CHODL: variants seen among roughly 807,000 people sequenced by gnomAD.
The protein encoded by CHODL is chondrolectin, also known as transmembrane protein MT75.
Under a neutral mutation model 34.5 loss-of-function variants are expected in CHODL, and 29 were observed. That is an observed-to-expected ratio of 0.84 (90% CI 0.63 to 1.15). The LOEUF (loss-of-function observed/expected upper bound fraction) is 1.15, where lower values mean the gene tolerates loss of function less well. Ranked by LOEUF, CHODL falls within the 50% of genes most tolerant of loss-of-function variation. The probability of loss-of-function intolerance (pLI) is 0.00; values close to 1 mark genes in which losing one functional copy is unlikely to be tolerated. For synonymous variants in CHODL, 125 were observed against 116.1 expected, an observed-to-expected ratio of 1.08 and a Z score of -0.49; for missense variants, 332 against 332.5, an observed-to-expected ratio of 1.00 and a Z score of 0.01.
intron 2 of CHODL, among the ~76,000 whole-genome samples, chr21:18,120,328 G>C (rs1020720111): frequency 6.6e-6 from 1 of 152,110 alleles, no homozygotes. Flanking sequence ...AGCAGACCTC[G>C]AGTTGAACTG....
upstream of CHODL, among the ~76,000 whole-genome samples, chr21:18,243,184 T>G (rs78021235): frequency 0.045 from 6,900 of 152,276 alleles, 524 homozygotes; most frequent in African/African-American, 0.16. Flanking sequence ...GATTCATCCT[T>G]CCATTACAGC....
At chr21:17,999,045 CT>C in intron 1 of CHODL, among the ~76,000 whole-genome samples, 1 of 151,938 alleles carries the variant, frequency 6.6e-6, no homozygotes, top group Non-Finnish European at 1.5e-5. Flanking sequence ...AAACAGAATG[CT>C]TTTGACAGCA....
chr21:18,251,237 GGAAA>G lies in CHODL; in HGVS notation c.80-5269_80-5266del, dbSNP rs1047875358. The stretch of plus-strand genomic sequence containing the variant: ...AGACAAAAATCATCTACTTATTCAT[GGAAA>G]GAGTGATGAAATCTTTGTTGTGACA... On this transcript the variant is annotated intron_variant, in intron 1 of 5. Coordinates refer to ENST00000299295, the MANE Select transcript of CHODL (RefSeq NM_024944.3). 3.3e-5 allele frequency among the ~76,000 whole-genome samples: 5 copies of G among 150,384 alleles called. No individual in the cohort carries two copies. The East Asian group carries it at 9.8e-4, about 29-fold the overall frequency.
At chr21:18,265,906 T>C in intron 5 of CHODL, 48 bp from the exon 6 acceptor site, 1 of 1,506,780 alleles carries the variant, frequency 6.6e-7, no homozygotes, top group Non-Finnish European at 9.1e-7. Context: ...ACATGCTTAG[T>C]TTAATAAGAA....
intron 1 of CHODL, among the ~76,000 whole-genome samples, chr21:18,007,076 G>A (rs2824600): frequency 0.16 from 24,030 of 152,062 alleles, 2,004 homozygotes; most frequent in South Asian, 0.29. Context: ...GATTTCTATA[G>A]CAAATGTGTA....
intron 2 of CHODL, among the ~76,000 whole-genome samples, chr21:18,042,201 G>A (rs1448893519): frequency 6.6e-6 from 1 of 151,870 alleles, no homozygotes; most frequent in East Asian, 1.9e-4. Flanking sequence ...TTTAGAAGGG[G>A]AGACAATTTG....
intron 1 of CHODL, among the ~76,000 whole-genome samples, chr21:17,967,439 C>T (rs2063581225): frequency 6.6e-6 from 1 of 152,066 alleles, no homozygotes; most frequent in Non-Finnish European, 1.5e-5. Context: ...TGTGAGAAGT[C>T]TTAATTCTAG....
rs1315511932 is a variant in CHODL at position 18,014,102 on chromosome 21, A to AAAG, written c.-144-13766_-144-13764dup. On this transcript the variant is annotated intron_variant, in intron 1 of 6. Transcript: ENST00000400127. ...TTCAAGCTGGTAGGTTACTCCCTTCAAAGAAGGGAGGTATCAGTGTTGAGG... is the reference window on the plus strand; with the variant it reads ...TTCAAGCTGGTAGGTTACTCCCTTCAAAGAAGAAGGGAGGTATCAGTGTTGAGG... 4.6e-5 allele frequency among the ~76,000 whole-genome samples: 7 copies of AAAG among 152,280 alleles called. No individual in the cohort carries two copies. The South Asian group carries it at 1.5e-3, about 32-fold the overall frequency.
chr21:17,982,691 A>G (rs992576934), intron 1 of CHODL, among the ~76,000 whole-genome samples: 15 of 133,816 alleles, frequency 1.1e-4, no homozygotes, highest in South Asian at 2.3e-4. Context: ...CCCCTTATAT[A>G]TATTCTTTTT....
At chr21:18,241,858 C>T (rs2074085508), upstream of CHODL, among the ~76,000 whole-genome samples, 2 of 152,148 alleles carry the variant, frequency 1.3e-5, no homozygotes, top group South Asian at 2.1e-4. Context: ...CAGCGATCGA[C>T]TTATTCCTGA....
chr21:18,257,778 A>G (rs1418308106), intron 3 of CHODL, among the ~76,000 whole-genome samples: 1 of 152,202 alleles, frequency 6.6e-6, no homozygotes, highest in Non-Finnish European at 1.5e-5. Flanking sequence ...GACTTGAGCT[A>G]TACTGGCATG....
chr21:18,079,365 T>C (rs754143975), intron 2 of CHODL, among the ~76,000 whole-genome samples: 5 of 149,566 alleles, frequency 3.3e-5, no homozygotes, highest in Non-Finnish European at 7.4e-5. Context: ...GAATATTATA[T>C]ATATATCACA....
intron 1 of CHODL, among the ~76,000 whole-genome samples, chr21:17,998,220 T>G (rs1265717489): frequency 6.6e-6 from 1 of 152,228 alleles, no homozygotes; most frequent in Non-Finnish European, 1.5e-5. Flanking sequence ...ATGATCTCCT[T>G]TGACTTCAGG....
At chr21:18,136,801 C>T (rs1311912202) in intron 2 of CHODL, among the ~76,000 whole-genome samples, 3 of 142,912 alleles carry the variant, frequency 2.1e-5, no homozygotes, top group African/African-American at 7.5e-5. Context: ...TGATATACAT[C>T]ATATATCCAT....
In CHODL at chr21:18,025,516, A is replaced by G. The variant is rs371024653; in HGVS notation, c.-144-2356A>G. Among the ~76,000 whole-genome samples the G allele has an allele frequency of 5.3e-5, 8 of 152,266 alleles. No homozygotes were observed. The South Asian group carries it at 6.2e-4, about 12-fold the overall frequency. On this transcript the variant is annotated intron_variant, in intron 1 of 6. Coordinates refer to the CHODL transcript ENST00000400127. ...TTTTCTCAGAGATGGAAGTAAATCT[A>G]TGTCCCTCTACTTCTTCGTTCGGTT... is the stretch of plus-strand genomic sequence containing the variant.
intron 2 of CHODL, among the ~76,000 whole-genome samples, chr21:18,078,923 C>T (rs1192003147): frequency 1.3e-5 from 2 of 152,122 alleles, no homozygotes; most frequent in East Asian, 3.9e-4. Flanking sequence ...AAGATTTGCA[C>T]CCAGTTTGAA....
chr21:18,203,078 G>A (rs2073673078), intron 2 of CHODL, among the ~76,000 whole-genome samples: 1 of 152,028 alleles, frequency 6.6e-6, no homozygotes, highest in African/African-American at 2.4e-5. Flanking sequence ...GTGTTTTTTT[G>A]TATTTGCAAA....
chr21:18,011,751 A>G (rs2064021670), intron 1 of CHODL, among the ~76,000 whole-genome samples: 1 of 152,126 alleles, frequency 6.6e-6, no homozygotes, highest in Non-Finnish European at 1.5e-5. Context: ...ATAAAAGGTT[A>G]TTTTTCTTCT....
intron 1 of CHODL, among the ~76,000 whole-genome samples, chr21:18,009,134 T>G (rs1333215193): frequency 6.6e-6 from 1 of 152,194 alleles, no homozygotes; most frequent in Admixed American, 6.5e-5. Flanking sequence ...GACAATTGAG[T>G]CCAAACTGTA....
Sources: allele counts gnomAD v4.1 joint callset (sites outside exome capture counted in the v4.1 genomes callset), GRCh38; gene constraint gnomAD v4.1.1; transcripts MANE v1.5; gene names NCBI Gene and HGNC (gene_info 2026-07-23, HGNC 2026-07-21).